Variants in NLRP10 observed in about 807,000 individuals in gnomAD.
The protein encoded by NLRP10 is NLR family pyrin domain containing 10.
A neutral mutation model predicts 8.2 loss-of-function variants in NLRP10; 7 were observed. The ratio of observed to expected loss-of-function variants is 0.85; its 90% CI spans 0.48 to 1.60. The LOEUF (loss-of-function observed/expected upper bound fraction) is 1.60. NLRP10 is among the 40% of genes most tolerant of loss of function. The pLI is 0.00. For synonymous variants in NLRP10, 338 were observed against 314.0 expected (o/e 1.08, Z -0.81); for missense variants, 814 against 776.3 (o/e 1.05, Z -0.58).
chr11:7,963,647 T>A (rs1171837355), intron 1 of NLRP10, 107 bp from the exon 2 acceptor site: 1 of 622,608 alleles, frequency 1.6e-6, no homozygotes. Context: ...GAGATACATG[T>A]GCAAAGCTCC....
In NLRP10 at chr11:7,959,944, C is replaced by T. The variant is rs755536656; in HGVS notation, c.1668G>A (p.Lys556=). ...ATTCCAAATCCCAGGTCCTGTTGTG[C>T]TTCATAGATTCCATCTGTTCTTTAA... ...KHFKEQMESM[K]HNRTWDLEFS... Residue 556 remains lysine (K), a synonymous_variant, in exon 3 of 3, where the codon AAG becomes AAA. Transcript: ENST00000691676. 5.8e-5 allele frequency: 93 copies of T among 1,613,974 alleles called. No individual in the cohort carries two copies. Among genetic ancestry groups the T allele is most frequent in the Non-Finnish European group, 7.8e-5 (92 of 1,180,020 alleles).
intron 2 of NLRP10, among the ~76,000 whole-genome samples, chr11:7,962,305 G>A (rs981060423): frequency 2.9e-5 from 4 of 136,056 alleles, no homozygotes; most frequent in African/African-American, 8.3e-5. Flanking sequence ...GCGCGATCTC[G>A]ACTCACTGCA....
chr11:7,959,711 G>T lies in NLRP10; in HGVS notation c.1901C>A (p.Thr634Lys). The T allele has an allele frequency of 6.2e-7, 1 of 1,605,784 alleles. No individual in the cohort carries two copies. Among genetic ancestry groups the T allele is most frequent in the Non-Finnish European group, 8.5e-7 (1 of 1,178,098 alleles). ...QKEGKDNIAGTQKEASTGKGR... is the reference protein window; with the variant it reads ...QKEGKDNIAGKQKEASTGKGR... ...TTTTCCAGTAGAAGCTTCCTTTTGT[G>T]TTCCTGCTATATTATCTTTGCCCTC... Residue 634 changes from threonine to lysine, a missense_variant, in exon 3 of 3, where the codon ACA becomes AAA. Physicochemically the swap from Thr to Lys is moderately conservative, Grantham distance 78. Coordinates refer to ENST00000691676, the MANE Select transcript of NLRP10 (RefSeq NM_001391958.1).
Position 7,959,410 on chromosome 11 carries a change from T to C in NLRP10, c.*234A>G. On this transcript the variant is annotated 3_prime_UTR_variant, in exon 3 of 3. Coordinates refer to ENST00000691676, the MANE Select transcript of NLRP10 (RefSeq NM_001391958.1). ...TTGGCTATTCTGAGTCTTTTGCCTT[T>C]GCACATAAACATTAGAATCATCTTA... 1 of 433,612 alleles carries C rather than the reference T, an allele frequency of 2.3e-6. No individual in the cohort carries two copies. The highest frequency in any genetic ancestry group is 4.0e-6 in the Non-Finnish European group (1 of 249,226). The allele number at this position is 433,612 out of a possible 1,614,324, so 26.9% of individuals were successfully genotyped here. A position where few individuals can be genotyped will look rare whatever the true frequency, so the allele number is the denominator to read the frequency against.
At position 7,963,347 on chromosome 11, in the gene NLRP10, T is replaced by C. The variant is rs1941765475; in HGVS notation, c.149A>G (p.Glu50Gly). 1 of 1,614,210 alleles carries C rather than the reference T, an allele frequency of 6.2e-7. No homozygotes were observed. The highest frequency in any genetic ancestry group is 8.5e-7 in the Non-Finnish European group (1 of 1,180,026). The change falls in exon 2 of 3, where the codon GAG (glutamate) becomes GGG (glycine). Residue 50 changes from glutamate to glycine, a missense_variant. Physicochemically the swap from Glu to Gly is moderately conservative, Grantham distance 98. Transcript: ENST00000691676. ...GQPPLARGEL[E>G]GLIPVDLAEL... ...TGCCAGGTCCACCGGAATCAGGCCC[T>C]CCAACTCCCCTCTGGCCAGTGGGGG... is the stretch of plus-strand genomic sequence containing the variant.
rs1718602773 is a variant in NLRP10, at chr11:7,961,278, A to G, written c.334T>C (p.Trp112Arg). Residue 112 changes from tryptophan (W) to arginine (R), a missense_variant, in exon 3 of 3, where the codon TGG becomes CGG. Coordinates refer to ENST00000691676, the MANE Select transcript of NLRP10 (RefSeq NM_001391958.1). ...CTGCCATTGACTCCTGCTTCCTGCC[A>G]TTCCTCTAGGCAGCGCACATGCTCT... ...YREHVRCLEE[W>R]QEAGVNGRYN... 6.2e-7 allele frequency: 1 copy of G among 1,606,662 alleles called. No individual in the cohort carries two copies. The highest frequency in any genetic ancestry group is 1.3e-5 in the African/African-American group (1 of 74,660).
chr11:7,963,207 C>T lies in NLRP10; in HGVS notation c.289G>A (p.Asp97Asn). ...TCCCCTTCCCCCGCTCCACACTCAC[C>T]ATGCAGACAAATATGGCTGAGCTGG... is the stretch of plus-strand genomic sequence containing the variant. The part of the protein sequence containing the change: ...VDQLSHICLH[D>N]YREVYREHVR... The change falls in exon 2 of 3, where the codon GAT (aspartate) becomes AAT (asparagine). Residue 97 changes from aspartate (D) to asparagine (N), a missense_variant and splice_region_variant. Asp to Asn is a conservative substitution (Grantham distance 23). Coordinates refer to ENST00000691676, the MANE Select transcript of NLRP10 (RefSeq NM_001391958.1). The T allele has an allele frequency of 6.2e-7, 1 of 1,613,660 alleles. No homozygotes were observed. The highest frequency in any genetic ancestry group is 8.5e-7 in the Non-Finnish European group (1 of 1,179,696).
rs756603174 is a variant in NLRP10, at chr11:7,960,073, A to G, written c.1539T>C (p.Thr513=). ...TCGAGATGTCCAGTAAAAACTGCAT[A>G]GTGAGGGTCATCTCATCATTCCCTT... ...EQEGNDEMTL[T]MQFLLDISKK... Residue 513 remains threonine (T), a synonymous_variant, in exon 3 of 3, where the codon ACT becomes ACC. Transcript: ENST00000691676. 1.2e-6 allele frequency: 2 copies of G among 1,614,142 alleles called. No homozygotes were observed. Among genetic ancestry groups the G allele is most frequent in the South Asian group, 2.2e-5 (2 of 91,082 alleles).
chr11:7,962,279 A>G (rs1941745879), intron 2 of NLRP10, among the ~76,000 whole-genome samples: 1 of 108,782 alleles, frequency 9.2e-6, no homozygotes, highest in Non-Finnish European at 1.7e-5. Context: ...TCTGTCGCCC[A>G]GGCTGGAGTG....
In NLRP10 at chr11:7,960,564, C is replaced by T. The variant is rs1941699648; in HGVS notation, c.1048G>A (p.Ala350Thr). 2.5e-6 allele frequency: 4 copies of T among 1,614,206 alleles called. No homozygotes were observed. Among genetic ancestry groups the T allele is most frequent in the Non-Finnish European group, 2.5e-6 (3 of 1,180,044 alleles). The change falls in exon 3 of 3, where the codon GCG becomes ACG. Residue 350 changes from alanine to threonine, a missense_variant. Coordinates refer to ENST00000691676, the MANE Select transcript of NLRP10 (RefSeq NM_001391958.1). ...IVQKNDILYK[A>T]CQVPGICWVV... Reference sequence around the variant, plus strand: ...CAGCAAATGCCTGGAACCTGACACGCTTTGTAGAGAATGTCATTTTTCTGT... The same window carrying T: ...CAGCAAATGCCTGGAACCTGACACGTTTTGTAGAGAATGTCATTTTTCTGT...
Position 7,960,962 on chromosome 11 carries a change from C to T in NLRP10, c.650G>A (p.Ser217Asn), listed in dbSNP as rs1047773181. The T allele has an allele frequency of 1.4e-5, 22 of 1,614,050 alleles. No homozygotes were observed. The highest frequency in any genetic ancestry group is 2.7e-5 in the African/African-American group (2 of 74,924). ...CCAGAAAAGGAGCTGCTCCAGTTTG[C>T]TCTCCAGCAGCAGGACCACTTCTTT... is the stretch of plus-strand genomic sequence containing the variant. Reference protein sequence around the residue: ...SCKEVVLLLESKLEQLLFWCC... With the variant: ...SCKEVVLLLENKLEQLLFWCC... The change falls in exon 3 of 3, where the codon AGC becomes AAC. Residue 217 changes from serine (S) to asparagine (N), a missense_variant. By Grantham distance (46) the Ser-to-Asn change is conservative (BLOSUM62 1). Coordinates refer to ENST00000691676, the MANE Select transcript of NLRP10 (RefSeq NM_001391958.1).
chr11:7,963,265 G>A lies in NLRP10; in HGVS notation c.231C>T (p.Gly77=), dbSNP rs778394161. ...EKEAVKVVLK[G]LKVMNLLELV... ...GTTCCAACAGGTTCATGACCTTCAA[G>A]CCCTTGAGGACAACTTTCACAGCCT... The change falls in exon 2 of 3, where the codon GGC becomes GGT. Residue 77 remains glycine (G), a synonymous_variant. Coordinates refer to ENST00000691676, the MANE Select transcript of NLRP10 (RefSeq NM_001391958.1). 8 of 1,614,202 alleles carry A rather than the reference G, an allele frequency of 5.0e-6. No individual in the cohort carries two copies. The highest frequency in any genetic ancestry group is 1.7e-5 in the Admixed American group (1 of 60,032).
chr11:7,960,501 C>G lies in NLRP10; in HGVS notation c.1111G>C (p.Gly371Arg). The change falls in exon 3 of 3, where the codon GGC (glycine) becomes CGC (arginine). Residue 371 changes from glycine to arginine, a missense_variant. By Grantham distance (125) the Gly-to-Arg change is moderately radical. Coordinates refer to ENST00000691676, the MANE Select transcript of NLRP10 (RefSeq NM_001391958.1). ...CTAGGTGTCTCTAAGACAACTTTGC[C>G]TCTCTCCATCTGCCCCTGCAGCCAG... ...CSWLQGQMER[G>R]KVVLETPRNS... The G allele has an allele frequency of 6.2e-7, 1 of 1,614,182 alleles. No individual in the cohort carries two copies. Among genetic ancestry groups the G allele is most frequent in the Non-Finnish European group, 8.5e-7 (1 of 1,180,026 alleles).
At chr11:7,961,582 G>A (rs1052109063) in intron 2 of NLRP10, among the ~76,000 whole-genome samples, 12 of 152,154 alleles carry the variant, frequency 7.9e-5, no homozygotes, top group African/African-American at 2.9e-4. Flanking sequence ...ATGAATGCTG[G>A]TATCCACATG....
chr11:7,960,688 ACGTGCTTG>A lies in NLRP10; in HGVS notation c.916_923del (p.Gln306SerfsTer9). ...CAGAGAAGCCTAGGATATGGACATG[ACGTGCTTG>A]TTTCAGCAAGGGCTCCAGATTCCTC... is the stretch of plus-strand genomic sequence containing the variant. On this transcript the variant is annotated frameshift_variant, in exon 3 of 3. Transcript: ENST00000691676. LOFTEE classifies it low-confidence loss of function (END_TRUNC). 4 of 1,614,206 alleles carry A rather than the reference ACGTGCTTG, an allele frequency of 2.5e-6. No homozygotes were observed. The highest frequency in any genetic ancestry group is 3.4e-6 in the Non-Finnish European group (4 of 1,180,042).
Position 7,961,335 on chromosome 11 carries a change from A to G in NLRP10, c.290-13T>C. ...ACTTCTCTGTAATCTGAGCCAAACA[A>G]ATGGGATGTTAGGTAGTGAAATGGG... On this transcript the variant is annotated splice_polypyrimidine_tract_variant and intron_variant, in intron 2 of 2. Coordinates refer to ENST00000691676, the MANE Select transcript of NLRP10 (RefSeq NM_001391958.1). 1 of 1,510,260 alleles carries G rather than the reference A, an allele frequency of 6.6e-7. No individual in the cohort carries two copies. 93.6% of individuals were successfully genotyped at this position (1,510,260 alleles called of 1,614,324 possible). A position where few individuals can be genotyped will look rare whatever the true frequency, so the allele number is the denominator to read the frequency against.
Position 7,963,267 on chromosome 11 carries a change from C to T in NLRP10, c.229G>A (p.Gly77Ser). Reference sequence around the variant, plus strand: ...TCCAACAGGTTCATGACCTTCAAGCCCTTGAGGACAACTTTCACAGCCTCC... The same window carrying T: ...TCCAACAGGTTCATGACCTTCAAGCTCTTGAGGACAACTTTCACAGCCTCC... ...EKEAVKVVLK[G>S]LKVMNLLELV... Residue 77 changes from glycine (G) to serine (S), a missense_variant, in exon 2 of 3, where the codon GGC becomes AGC. By Grantham distance (56) the Gly-to-Ser change is moderately conservative (BLOSUM62 0). Coordinates refer to ENST00000691676, the MANE Select transcript of NLRP10 (RefSeq NM_001391958.1). The T allele has an allele frequency of 1.2e-6, 2 of 1,614,198 alleles. No homozygotes were observed. Among genetic ancestry groups the T allele is most frequent in the Non-Finnish European group, 1.7e-6 (2 of 1,180,020 alleles).
Position 7,963,372 on chromosome 11 carries a change from G to A in NLRP10, c.124C>T (p.Pro42Ser). The A allele has an allele frequency of 6.2e-7, 1 of 1,613,926 alleles. No individual in the cohort carries two copies. The highest frequency in any genetic ancestry group is 8.5e-7 in the Non-Finnish European group (1 of 1,179,760). ...LRDMTLSEGQ[P>S]PLARGELEGL... Reference sequence around the variant, plus strand: ...TCCAACTCCCCTCTGGCCAGTGGGGGCTGGCCCTCAGACAGGGTCATATCC... The same window carrying A: ...TCCAACTCCCCTCTGGCCAGTGGGGACTGGCCCTCAGACAGGGTCATATCC... Residue 42 changes from proline (P) to serine (S), a missense_variant, in exon 2 of 3, where the codon CCC becomes TCC. Coordinates refer to ENST00000691676, the MANE Select transcript of NLRP10 (RefSeq NM_001391958.1).
In NLRP10 at chr11:7,960,160, T is replaced by G. The variant is rs764578372; in HGVS notation, c.1452A>C (p.Gln484His). The G allele has an allele frequency of 1.2e-6, 2 of 1,614,144 alleles. No homozygotes were observed. Among genetic ancestry groups the G allele is most frequent in the Non-Finnish European group, 8.5e-7 (1 of 1,180,016 alleles). Residue 484 changes from glutamine (Q) to histidine (H), a missense_variant, in exon 3 of 3, where the codon CAA (glutamine) becomes CAC (histidine). Gln to His is a conservative substitution (Grantham distance 24). Coordinates refer to ENST00000691676, the MANE Select transcript of NLRP10 (RefSeq NM_001391958.1). ...HAMSYLVKEDQSRLGKESRRE... is the reference protein window; with the variant it reads ...HAMSYLVKEDHSRLGKESRRE... ...TGCGGGACTCCTTCCCCAGCCGGCT[T>G]TGGTCCTCTTTCACCAGGTAAGACA...
Sources: gnomAD v4.1 joint callset for allele counts (sites outside exome capture counted in the v4.1 genomes callset) on GRCh38, gnomAD v4.1.1 for gene constraint, MANE v1.5 for transcripts, NCBI Gene and HGNC (gene_info 2026-07-23, HGNC 2026-07-21) for gene names.